The following CRPPA variants were observed in gnomAD, a reference collection of about 807,000 sequenced individuals.
CRPPA encodes the protein CDP-L-ribitol pyrophosphorylase A.
A neutral mutation model predicts 52.0 loss-of-function variants in CRPPA; 43 were observed. The observed-to-expected ratio is 0.83, with a 90% CI of 0.65 to 1.07. The LOEUF is 1.07. Among genes scored for constraint, CRPPA ranks in the 50% least tolerant of loss-of-function variants. The pLI is 0.00. For missense variants in CRPPA, 629 were observed against 551.7 expected, an observed-to-expected ratio of 1.14 and a Z score of -1.40; for synonymous variants, 250 against 203.5, an observed-to-expected ratio of 1.23 and a Z score of -1.94.
intron 9 of CRPPA, among the ~76,000 whole-genome samples, chr7:16,138,342 C>G (rs1782800591): frequency 6.6e-6 from 1 of 152,100 alleles, no homozygotes; most frequent in Non-Finnish European, 1.5e-5. Flanking sequence ...TACTACATCT[C>G]AAAGTAAAGG....
chr7:16,103,067 A>T (rs1452910519), intron 9 of CRPPA, among the ~76,000 whole-genome samples: 2 of 152,230 alleles, frequency 1.3e-5, no homozygotes, highest in African/African-American at 4.8e-5. Context: ...GATGCCCATC[A>T]ATTATAGACT....
intron 3 of CRPPA, among the ~76,000 whole-genome samples, chr7:16,356,821 T>A (rs368622011): frequency 1.3e-4 from 20 of 152,320 alleles, no homozygotes; most frequent in African/African-American, 4.3e-4. Flanking sequence ...AGTCACAATA[T>A]TTAGTAAGTT....
chr7:16,294,632 G>A (rs908767198), intron 5 of CRPPA, among the ~76,000 whole-genome samples: 2 of 151,890 alleles, frequency 1.3e-5, no homozygotes, highest in South Asian at 4.1e-4. Flanking sequence ...AAAATATTAT[G>A]TATAAAGAAG....
chr7:16,320,151 T>G (rs1413692498), intron 3 of CRPPA, among the ~76,000 whole-genome samples: 1 of 152,142 alleles, frequency 6.6e-6, no homozygotes, highest in African/African-American at 2.4e-5. Context: ...GTAGCTTTAA[T>G]GAGGTTTGAG....
rs146539605 is a variant in CRPPA at position 16,088,279 on chromosome 7, G to A, written c.*3416C>T. On this transcript the variant is annotated 3_prime_UTR_variant, in exon 10 of 10. Transcript: ENST00000407010. ...TTTCCCACAAGTGGAAGCATTTTCA[G>A]AAACCTTGAAGCATAATCACTATTA... The A allele has an allele frequency of 1.3e-5, 2 of 152,046 alleles. No individual in the cohort carries two copies. The highest frequency in any genetic ancestry group is 1.5e-5 in the Non-Finnish European group (1 of 67,990). 9.4% of individuals were successfully genotyped at this position (152,046 alleles called of 1,614,324 possible).
chr7:16,152,085 T>C (rs1783086173), intron 9 of CRPPA, among the ~76,000 whole-genome samples: 1 of 151,852 alleles, frequency 6.6e-6, no homozygotes, highest in African/African-American at 2.4e-5. Context: ...TCACCACAAA[T>C]AGAGAATGAT....
chr7:16,353,529 G>C (rs1583542313), intron 3 of CRPPA, among the ~76,000 whole-genome samples: 1 of 152,078 alleles, frequency 6.6e-6, no homozygotes, highest in Admixed American at 6.5e-5. Context: ...ATAATACATT[G>C]AATATTAACA....
At chr7:16,121,910 C>T (rs1340305750) in intron 9 of CRPPA, among the ~76,000 whole-genome samples, 1 of 152,060 alleles carries the variant, frequency 6.6e-6, no homozygotes, top group Non-Finnish European at 1.5e-5. Context: ...AAATGATGAA[C>T]ATTTGCTTTC....
chr7:16,317,905 T>G (rs1260567366), intron 3 of CRPPA, among the ~76,000 whole-genome samples: 1 of 152,176 alleles, frequency 6.6e-6, no homozygotes. Context: ...TCACCAACAT[T>G]TGTTATTTCT....
At chr7:16,165,620 G>A (rs934687354) in intron 9 of CRPPA, among the ~76,000 whole-genome samples, 2 of 152,166 alleles carry the variant, frequency 1.3e-5, no homozygotes, top group Admixed American at 1.3e-4. Context: ...ATTGTCAGAT[G>A]GAACCCACAT....
At chr7:16,399,042 G>A (rs567009582) in intron 2 of CRPPA, among the ~76,000 whole-genome samples, 37 of 152,322 alleles carry the variant, frequency 2.4e-4, no homozygotes, top group African/African-American at 8.2e-4. Flanking sequence ...TTTAGGACAG[G>A]TGACAAGCGA....
chr7:16,259,355 C>T lies in CRPPA; in HGVS notation c.934-343G>A, dbSNP rs146062721. ...TTGAAGGACTAAAAGAGAAAGGGTG[C>T]AGTGATGATTGCAGGTATCTGGAAG... On this transcript the variant is annotated intron_variant, in intron 6 of 9. Coordinates refer to ENST00000407010, the MANE Select transcript of CRPPA (RefSeq NM_001101426.4). Among the ~76,000 whole-genome samples the T allele has an allele frequency of 2.8e-3, 420 of 151,990 alleles. 3 individuals carry two copies. Among genetic ancestry groups the T allele is most frequent in the African/African-American group, 9.6e-3 (400 of 41,536 alleles).
Position 16,175,825 on chromosome 7 carries a change from C to T in CRPPA, c.1251+40241G>A, listed in dbSNP as rs905957646. Among the ~76,000 whole-genome samples, 4 of 152,062 alleles carry T rather than the reference C, an allele frequency of 2.6e-5. No homozygotes were observed. The East Asian group carries it at 5.8e-4, about 22-fold the overall frequency. ...GCTTGAAAAAGATTATTATGGAATG[C>T]AGAGGCCCAAAGATTTTGGCATTTC... On this transcript the variant is annotated intron_variant, in intron 9 of 9. Transcript: ENST00000407010.
chr7:16,266,204 T>C (rs1783948825), intron 6 of CRPPA: 1 of 152,156 alleles, frequency 6.6e-6, no homozygotes, highest in Non-Finnish European at 1.5e-5. Context: ...ATTTAAGAAG[T>C]GTCCTCCAAT....
intron 3 of CRPPA, among the ~76,000 whole-genome samples, chr7:16,330,940 C>G (rs1200110011): frequency 6.6e-6 from 1 of 152,168 alleles, no homozygotes; most frequent in Non-Finnish European, 1.5e-5. Flanking sequence ...CCAGCACACT[C>G]TAGCTATCCT....
intron 9 of CRPPA, among the ~76,000 whole-genome samples, chr7:16,206,936 G>A (rs1040717731): frequency 6.6e-6 from 1 of 152,100 alleles, no homozygotes; most frequent in African/African-American, 2.4e-5. Context: ...TTCCTTACCA[G>A]TTGTCAAAGG....
Position 16,216,911 on chromosome 7 carries a change from G to T in CRPPA, c.1120-714C>A, listed in dbSNP as rs10270494. 8.2e-3 allele frequency among the ~76,000 whole-genome samples: 1,247 copies of T among 151,878 alleles called. 13 individuals carry two copies. Among genetic ancestry groups the T allele is most frequent in the African/African-American group, 0.028 (1,162 of 41,490 alleles). On this transcript the variant is annotated intron_variant, in intron 8 of 9. Coordinates refer to ENST00000407010, the MANE Select transcript of CRPPA (RefSeq NM_001101426.4). ...GCTTGCTTAGGTAAACAAAGCAGCC[G>T]GGAAGCTCCAACTGGGTGGAGCCCA... is the stretch of plus-strand genomic sequence containing the variant.
chr7:16,334,975 A>G (rs1429007889), intron 3 of CRPPA, among the ~76,000 whole-genome samples: 1 of 152,042 alleles, frequency 6.6e-6, no homozygotes, highest in Non-Finnish European at 1.5e-5. Flanking sequence ...ATAGAACCCA[A>G]AGAAATGGAG....
chr7:16,260,941 A>G, intron 6 of CRPPA, among the ~76,000 whole-genome samples: 1 of 152,076 alleles, frequency 6.6e-6, no homozygotes, highest in East Asian at 1.9e-4. Flanking sequence ...TTAAAGAAAA[A>G]TATCTTGTGT....
Sources: allele counts gnomAD v4.1 joint callset (sites outside exome capture counted in the v4.1 genomes callset), GRCh38; gene constraint gnomAD v4.1.1; transcripts MANE v1.5; gene names NCBI Gene and HGNC (gene_info 2026-07-23, HGNC 2026-07-21).